DZANK1: variants seen among roughly 807,000 people sequenced by gnomAD.
The protein encoded by DZANK1 is double zinc ribbon and ankyrin repeat domains 1.
In DZANK1, 91 loss-of-function variants were observed where a neutral mutation model predicts 94.5. That is an observed-to-expected ratio of 0.96 (90% CI 0.81 to 1.15). DZANK1 has a LOEUF of 1.15. Among genes scored for constraint, DZANK1 ranks in the 50% most tolerant of loss-of-function variants. The probability of loss-of-function intolerance (pLI) is 0.00; values close to 1 mark genes in which losing one functional copy is unlikely to be tolerated. For missense variants in DZANK1, 903 were observed against 916.4 expected, an observed-to-expected ratio of 0.99 and a Z score of 0.19; for synonymous variants, 312 against 325.3, an observed-to-expected ratio of 0.96 and a Z score of 0.44.
chr20:18,422,575 A>ATTTATTTGTAT (rs1471264112), intron 10 of DZANK1, among the ~76,000 whole-genome samples: 4 of 152,216 alleles, frequency 2.6e-5, no homozygotes, highest in Non-Finnish European at 5.9e-5. Context: ...ATATTATATA[A>ATTTATTTGTAT]AATTACCTTC....
chr20:18,428,822 A>G (rs147290456), intron 9 of DZANK1: 2 of 149,962 alleles, frequency 1.3e-5, no homozygotes, highest in African/African-American at 5.1e-5. Flanking sequence ...ACCACCAGGT[A>G]GCTCTATGGA....
At chr20:18,460,050 G>T in intron 3 of DZANK1, 103 bp downstream of exon 3, 1 of 847,654 alleles carries the variant, frequency 1.2e-6, no homozygotes, top group Non-Finnish European at 1.7e-6. Flanking sequence ...TTTCAGTAGT[G>T]TCCTTCTAAT....
chr20:18,386,116 C>T (rs1381530653), intron 19 of DZANK1, among the ~76,000 whole-genome samples: 1 of 152,218 alleles, frequency 6.6e-6, no homozygotes, highest in African/African-American at 2.4e-5. Context: ...TCCACACCTG[C>T]AGATGTGCCT....
intron 13 of DZANK1, among the ~76,000 whole-genome samples, chr20:18,412,430 T>A (rs964688994): frequency 4.6e-5 from 7 of 152,322 alleles, no homozygotes; most frequent in Middle Eastern, 3.4e-3. Context: ...ACTACAGGGC[T>A]ATGAGCTAAA....
chr20:18,430,271 G>T (rs1046115418), intron 9 of DZANK1, among the ~76,000 whole-genome samples: 2 of 152,126 alleles, frequency 1.3e-5, no homozygotes, highest in African/African-American at 4.8e-5. Context: ...CCCAAATCAC[G>T]GTGTGAGAGG....
chr20:18,447,880 A>G (rs528617904), intron 7 of DZANK1, among the ~76,000 whole-genome samples: 1 of 152,296 alleles, frequency 6.6e-6, no homozygotes, highest in East Asian at 1.9e-4. Flanking sequence ...TGGAAAGCAG[A>G]TTGGCAGTTT....
intron 13 of DZANK1, among the ~76,000 whole-genome samples, chr20:18,406,356 C>T (rs1401294076): frequency 6.6e-6 from 1 of 152,222 alleles, no homozygotes; most frequent in African/African-American, 2.4e-5. Context: ...TGGATACCAG[C>T]TCAGCCACAG....
chr20:18,452,748 A>G lies in DZANK1; in HGVS notation c.476-66T>C, dbSNP rs774392443. The G allele has an allele frequency of 6.4e-7, 1 of 1,551,922 alleles. No individual in the cohort carries two copies. The highest frequency in any genetic ancestry group is 1.2e-5 in the South Asian group (1 of 83,000). On this transcript the variant is annotated intron_variant, in intron 5 of 20. Transcript: ENST00000262547. ...TTCACCTACCTGGACGTCTACAATGATATTAAAAACATTATTCTTTGAGCA... is the reference window on the plus strand; with the variant it reads ...TTCACCTACCTGGACGTCTACAATGGTATTAAAAACATTATTCTTTGAGCA...
At chr20:18,410,520 A>G (rs1418971901) in intron 13 of DZANK1, among the ~76,000 whole-genome samples, 1 of 152,354 alleles carries the variant, frequency 6.6e-6, no homozygotes, top group East Asian at 1.9e-4. Flanking sequence ...CAAAAAAGGC[A>G]TTTAGAAACA....
intron 17 of DZANK1, among the ~76,000 whole-genome samples, chr20:18,391,039 T>C (rs572420204): frequency 6.6e-6 from 1 of 151,990 alleles, no homozygotes; most frequent in South Asian, 2.1e-4. Context: ...CTACTGAAAA[T>C]ATAAAAATTA....
chr20:18,452,813 C>T (rs16979192), intron 5 of DZANK1, 74 bp from the exon 6 acceptor site: 152,116 of 1,418,352 alleles, frequency 0.11, 10,119 homozygotes, highest in East Asian at 0.33. Context: ...ATCTTCACAG[C>T]GGGAGACCTT....
intron 10 of DZANK1, among the ~76,000 whole-genome samples, chr20:18,424,698 A>G (rs1333666455): frequency 6.6e-6 from 1 of 152,180 alleles, no homozygotes; most frequent in African/African-American, 2.4e-5. Flanking sequence ...AGGACCCAGC[A>G]ATCCTACTCC....
intron 10 of DZANK1, among the ~76,000 whole-genome samples, chr20:18,416,093 C>A (rs2057476127): frequency 6.6e-6 from 1 of 152,228 alleles, no homozygotes; most frequent in African/African-American, 2.4e-5. Context: ...CACTGCCCTG[C>A]ACCCTCACGT....
intron 2 of DZANK1, 139 bp from the exon 3 acceptor site, chr20:18,460,445 C>T (rs2059435951): frequency 4.2e-6 from 3 of 718,984 alleles, no homozygotes; most frequent in Non-Finnish European, 6.1e-6. Context: ...AAAGTTGTGA[C>T]TTAGGACAGG....
At chr20:18,419,890 C>A (rs371934436) in intron 10 of DZANK1, among the ~76,000 whole-genome samples, 145 of 124,696 alleles carry the variant, frequency 1.2e-3, no homozygotes, top group South Asian at 1.3e-3. Flanking sequence ...GGTGTAAATA[C>A]AAAAAAAAAA....
At chr20:18,394,926 C>T (rs146224068) in intron 15 of DZANK1, 10 of 455,838 alleles carry the variant, frequency 2.2e-5, no homozygotes, top group East Asian at 7.0e-5. Flanking sequence ...GTAAAATGGG[C>T]GTCTACATAA....
chr20:18,406,492 C>T (rs78402424), intron 13 of DZANK1, among the ~76,000 whole-genome samples: 17,155 of 152,188 alleles, frequency 0.11, 1,069 homozygotes, highest in African/African-American at 0.16. Flanking sequence ...CCAGTCCTAG[C>T]GGGATTGATC....
intron 1 of DZANK1, among the ~76,000 whole-genome samples, chr20:18,466,535 G>A (rs770362004): frequency 6.6e-6 from 1 of 152,174 alleles, no homozygotes; most frequent in Non-Finnish European, 1.5e-5. Flanking sequence ...GAGTGTGGCT[G>A]GACTTGAGAC....
chr20:18,440,037 G>A (rs1417227212), intron 8 of DZANK1, among the ~76,000 whole-genome samples: 2 of 152,154 alleles, frequency 1.3e-5, no homozygotes, highest in East Asian at 1.9e-4. Context: ...AGAAGAGGAA[G>A]AGACACCAGG....
Sources: gnomAD v4.1 joint callset for allele counts (sites outside exome capture counted in the v4.1 genomes callset) on GRCh38, gnomAD v4.1.1 for gene constraint, MANE v1.5 for transcripts, NCBI Gene and HGNC (gene_info 2026-07-23, HGNC 2026-07-21) for gene names.